The following MALRD1 variants were observed in gnomAD, a reference collection of about 807,000 sequenced individuals.
The protein encoded by MALRD1 is MAM and LDL receptor class A domain containing 1, also known as MAM and LDL-receptor class A domain-containing protein 1.
In MALRD1, 247 loss-of-function variants were observed where a neutral mutation model predicts 242.1. The observed-to-expected ratio is 1.02, with a 90% CI of 0.92 to 1.13. The LOEUF (loss-of-function observed/expected upper bound fraction) is 1.13. Among genes scored for constraint, MALRD1 ranks in the 50% most tolerant of loss-of-function variants. The pLI is 0.00. For synonymous variants in MALRD1, 995 were observed against 866.6 expected (o/e 1.15, Z -2.60); for missense variants, 2,989 against 2,533.1 (o/e 1.18, Z -3.86).
chr10:19,450,102 C>T (rs769750970), intron 28 of MALRD1, among the ~76,000 whole-genome samples: 2 of 152,148 alleles, frequency 1.3e-5, no homozygotes, highest in African/African-American at 2.4e-5. Context: ...CTTTCCCCGA[C>T]CCCTGACCTC....
chr10:19,227,081 A>G (rs114692660), intron 18 of MALRD1, among the ~76,000 whole-genome samples: 1,740 of 152,102 alleles, frequency 0.011, 35 homozygotes, highest in African/African-American at 0.04. Context: ...TTCCCCTGAA[A>G]CTGATCTCCA....
intron 38 of MALRD1, chr10:19,728,356 A>C (rs1000335749): frequency 6.6e-6 from 1 of 152,330 alleles, no homozygotes; most frequent in Admixed American, 6.5e-5. Flanking sequence ...TCAGAAGACA[A>C]GTAGCTTCAA....
intron 26 of MALRD1, among the ~76,000 whole-genome samples, chr10:19,386,692 A>ATAT (rs1173863586): frequency 7.0e-6 from 1 of 141,946 alleles, no homozygotes; most frequent in Non-Finnish European, 1.5e-5. Context: ...TGAGATAGAT[A>ATAT]TATATACACA....
At chr10:19,365,570 A>G (rs1297521829) in intron 26 of MALRD1, among the ~76,000 whole-genome samples, 2 of 148,538 alleles carry the variant, frequency 1.3e-5, no homozygotes, top group East Asian at 2.0e-4. Context: ...ACTCAATACT[A>G]TGATGTGTAT....
chr10:19,050,705 G>A (rs935239790), intron 1 of MALRD1, among the ~76,000 whole-genome samples: 1 of 152,170 alleles, frequency 6.6e-6, no homozygotes, highest in South Asian at 2.1e-4. Context: ...CTAACTGTGG[G>A]CTTGTTGCAC....
intron 28 of MALRD1, among the ~76,000 whole-genome samples, chr10:19,438,802 C>T (rs1564340117): frequency 7.1e-6 from 1 of 140,058 alleles, no homozygotes; most frequent in Admixed American, 7.3e-5. Context: ...CACCAGACCC[C>T]ACAGCTCAGA....
intron 36 of MALRD1, among the ~76,000 whole-genome samples, chr10:19,686,697 A>G (rs7906553): frequency 0.83 from 125,564 of 152,106 alleles, 52,562 homozygotes; most frequent in Non-Finnish European, 0.89. Context: ...CTGCCCTGTT[A>G]ATATCTGACT....
intron 29 of MALRD1, among the ~76,000 whole-genome samples, chr10:19,459,133 C>G (rs1473130456): frequency 6.6e-6 from 1 of 151,978 alleles, no homozygotes; most frequent in Admixed American, 6.6e-5. Flanking sequence ...AATTAATAAA[C>G]AAAAAGAAAT....
intron 34 of MALRD1, among the ~76,000 whole-genome samples, chr10:19,604,737 A>G (rs983859234): frequency 1.3e-5 from 2 of 152,168 alleles, no homozygotes; most frequent in African/African-American, 4.8e-5. Flanking sequence ...TTAACTAAAA[A>G]CTAAATATTT....
At chr10:19,547,670 G>A (rs998584752) in intron 32 of MALRD1, among the ~76,000 whole-genome samples, 13 of 148,196 alleles carry the variant, frequency 8.8e-5, no homozygotes, top group Non-Finnish European at 1.8e-4. Context: ...AAATGTGCTC[G>A]GTGTTGGTAA....
chr10:19,607,563 A>T (rs749898576), intron 34 of MALRD1, among the ~76,000 whole-genome samples: 17 of 152,142 alleles, frequency 1.1e-4, no homozygotes, highest in Non-Finnish European at 2.1e-4. Flanking sequence ...ACATCTGCGA[A>T]GTGATTTTTC....
intron 21 of MALRD1, among the ~76,000 whole-genome samples, chr10:19,290,651 A>G (rs1234455059): frequency 6.6e-6 from 1 of 152,160 alleles, no homozygotes; most frequent in Admixed American, 6.6e-5. Context: ...ATAATCTAGT[A>G]TTAAATAAAA....
At chr10:19,318,364 T>G (rs1222944236) in intron 21 of MALRD1, among the ~76,000 whole-genome samples, 1 of 147,082 alleles carries the variant, frequency 6.8e-6, no homozygotes, top group Non-Finnish European at 1.5e-5. Context: ...ACATATCTCC[T>G]TTTTTTTTTC....
At chr10:19,171,348 T>A (rs2131524253) in intron 13 of MALRD1, among the ~76,000 whole-genome samples, 1 of 150,396 alleles carries the variant, frequency 6.6e-6, no homozygotes, top group East Asian at 2.0e-4. Flanking sequence ...CTGAGTGACC[T>A]CTTTCTCACT....
chr10:19,517,537 C>T (rs1025362831), intron 31 of MALRD1, among the ~76,000 whole-genome samples: 2 of 152,150 alleles, frequency 1.3e-5, no homozygotes, highest in African/African-American at 4.8e-5. Flanking sequence ...ATAAAGTTCA[C>T]CCATTTCTGT....
In MALRD1 at chr10:19,160,446, G is replaced by A. The variant is rs554927304; in HGVS notation, c.1657-5191G>A. On this transcript the variant is annotated intron_variant, in intron 12 of 39. Transcript: ENST00000454679. ...CTCTTTTTTGGTTGTGTCTCTGCCC[G>A]GCTTTGGTATCAGAATGATGCTGGC... Among the ~76,000 whole-genome samples the A allele has an allele frequency of 5.3e-5, 4 of 75,818 alleles. No individual in the cohort carries two copies. In the South Asian group the frequency reaches 1.6e-3, roughly 31 times the overall value. 49.7% of individuals were successfully genotyped at this position (75,818 alleles called of 152,430 possible). A position where few individuals can be genotyped will look rare whatever the true frequency, so the allele number is the denominator to read the frequency against.
At chr10:19,698,142 T>C (rs895974275) in intron 38 of MALRD1, among the ~76,000 whole-genome samples, 2 of 152,192 alleles carry the variant, frequency 1.3e-5, no homozygotes, top group Non-Finnish European at 2.9e-5. Flanking sequence ...CCTTAACATA[T>C]GAGATATTAG....
chr10:19,301,308 C>T (rs967265962), intron 21 of MALRD1, among the ~76,000 whole-genome samples: 3 of 151,776 alleles, frequency 2.0e-5, no homozygotes, highest in African/African-American at 7.3e-5. Context: ...GTGGTGATTT[C>T]TCAAAGAGCT....
At chr10:19,334,660 A>T (rs949193742) in intron 24 of MALRD1, among the ~76,000 whole-genome samples, 1 of 151,760 alleles carries the variant, frequency 6.6e-6, no homozygotes. Flanking sequence ...TATATCCATT[A>T]TTATGTGAAA....
Sources: allele counts gnomAD v4.1 joint callset (sites outside exome capture counted in the v4.1 genomes callset), GRCh38; gene constraint gnomAD v4.1.1; transcripts MANE v1.5; gene names NCBI Gene and HGNC (gene_info 2026-07-23, HGNC 2026-07-21).